Variants in OSBPL1A observed in about 807,000 individuals in gnomAD.
OSBPL1A encodes the protein oxysterol binding protein like 1A.
In OSBPL1A, 80 loss-of-function variants were observed where a neutral mutation model predicts 137.1. The ratio of observed to expected loss-of-function variants is 0.58; its 90% CI spans 0.49 to 0.70. OSBPL1A has a LOEUF of 0.70. Among genes scored for constraint, OSBPL1A ranks in the 30% least tolerant of loss-of-function variants. OSBPL1A has a pLI of 0.00. For synonymous variants in OSBPL1A, 365 were observed against 389.7 expected, an observed-to-expected ratio of 0.94 and a Z score of 0.75; for missense variants, 970 against 1,129.4, an observed-to-expected ratio of 0.86 and a Z score of 2.02.
chr18:24,278,824 A>G (rs79864259), intron 15 of OSBPL1A, among the ~76,000 whole-genome samples: 14,901 of 152,254 alleles, frequency 0.098, 892 homozygotes, highest in South Asian at 0.16. Flanking sequence ...GAATGCAATC[A>G]TCCTGTTCAG....
chr18:24,197,348 A>G (rs541759881), intron 17 of OSBPL1A, among the ~76,000 whole-genome samples: 2 of 152,346 alleles, frequency 1.3e-5, no homozygotes, highest in African/African-American at 2.4e-5. Flanking sequence ...TTCTGTCTCA[A>G]AAACTAAAAA....
chr18:24,202,902 C>T (rs969893111), intron 17 of OSBPL1A, among the ~76,000 whole-genome samples: 3 of 152,148 alleles, frequency 2.0e-5, no homozygotes, highest in South Asian at 4.1e-4. Context: ...ACAATCTTCT[C>T]GGGCATATGC....
intron 15 of OSBPL1A, among the ~76,000 whole-genome samples, chr18:24,241,458 C>G (rs147225187): frequency 0.14 from 20,655 of 152,006 alleles, 2,926 homozygotes; most frequent in African/African-American, 0.36. Context: ...CCATCAAAAA[C>G]TGGGTGAAGG....
chr18:24,333,826 A>G (rs1485993202), intron 6 of OSBPL1A, among the ~76,000 whole-genome samples: 2 of 152,208 alleles, frequency 1.3e-5, no homozygotes, highest in African/African-American at 4.8e-5. Flanking sequence ...CCAGAAGTGT[A>G]GCATTCCTCC....
At chr18:24,246,278 C>T (rs1185820364) in intron 15 of OSBPL1A, among the ~76,000 whole-genome samples, 1 of 151,756 alleles carries the variant, frequency 6.6e-6, no homozygotes, top group African/African-American at 2.4e-5. Context: ...AATAAAGCCA[C>T]CTAAGGGACC....
intron 19 of OSBPL1A, among the ~76,000 whole-genome samples, chr18:24,180,860 G>A (rs1339880437): frequency 6.6e-6 from 1 of 151,594 alleles, no homozygotes; most frequent in East Asian, 1.9e-4. Flanking sequence ...CTGGGCGACA[G>A]AGCGAGACTC....
At chr18:24,330,822 G>C (rs771450446) in intron 7 of OSBPL1A, among the ~76,000 whole-genome samples, 5 of 150,578 alleles carry the variant, frequency 3.3e-5, no homozygotes, top group African/African-American at 4.9e-5. Flanking sequence ...TTGAGACAGA[G>C]TCTCACTCTG....
intron 2 of OSBPL1A, among the ~76,000 whole-genome samples, 154 bp downstream of exon 2, chr18:24,377,259 G>A (rs1906249351): frequency 1.3e-5 from 2 of 152,194 alleles, no homozygotes; most frequent in Admixed American, 6.5e-5. Context: ...ACTCAGAGGG[G>A]GCTAGGAGAG....
At chr18:24,288,678 G>A (rs2146083592) in intron 14 of OSBPL1A, among the ~76,000 whole-genome samples, 1 of 151,510 alleles carries the variant, frequency 6.6e-6, no homozygotes, top group Admixed American at 6.6e-5. Context: ...TGGGGCAGGA[G>A]AATCACTTAA....
intron 15 of OSBPL1A, among the ~76,000 whole-genome samples, chr18:24,243,006 G>C (rs1486413286): frequency 6.6e-6 from 1 of 152,132 alleles, no homozygotes; most frequent in South Asian, 2.1e-4. Flanking sequence ...GACTACATGA[G>C]GCGGGCAGAT....
At chr18:24,183,195 T>C (rs542682367) in intron 18 of OSBPL1A, among the ~76,000 whole-genome samples, 2 of 152,120 alleles carry the variant, frequency 1.3e-5, no homozygotes, top group South Asian at 4.1e-4. Flanking sequence ...TCAATAAAAC[T>C]ATCGTTATTG....
chr18:24,222,146 G>A (rs531799240), intron 17 of OSBPL1A, among the ~76,000 whole-genome samples: 12 of 146,658 alleles, frequency 8.2e-5, no homozygotes, highest in African/African-American at 3.3e-4. Flanking sequence ...GTTTTAACCA[G>A]ATGAAGTTTT....
intron 2 of OSBPL1A, 171 bp from the exon 3 acceptor site, chr18:24,368,543 C>CA (rs1905354516): frequency 1.8e-6 from 1 of 567,188 alleles, no homozygotes; most frequent in East Asian, 3.0e-5. Context: ...GACGAGAACT[C>CA]ACAAGGTGCA....
intron 16 of OSBPL1A, among the ~76,000 whole-genome samples, chr18:24,234,534 G>A (rs1416372579): frequency 2.0e-5 from 3 of 151,962 alleles, no homozygotes; most frequent in African/African-American, 7.2e-5. Flanking sequence ...CAGGGGGGAC[G>A]CCAGGGGGCT....
intron 16 of OSBPL1A, among the ~76,000 whole-genome samples, chr18:24,230,812 T>A (rs886748416): frequency 6.6e-6 from 1 of 152,200 alleles, no homozygotes; most frequent in African/African-American, 2.4e-5. Flanking sequence ...TTTACTGAAC[T>A]TTTGATGAGC....
At position 24,225,107 on chromosome 18, in the gene OSBPL1A, G is replaced by C; in HGVS notation, c.1536C>G (p.His512Gln). 6.2e-7 allele frequency: 1 copy of C among 1,614,182 alleles called. No individual in the cohort carries two copies. Among genetic ancestry groups the C allele is most frequent in the South Asian group, 1.1e-5 (1 of 91,088 alleles). Residue 512 changes from histidine to glutamine, a missense_variant, in exon 17 of 28, where the codon CAC becomes CAG. Around this residue, in one of 2 missense-constraint regions of OSBPL1A, gnomAD observed 647 missense variants for 672.6 expected, o/e 0.96. Transcript: ENST00000319481. Reference sequence around the variant, plus strand: ...CACAGTCTTTTTCTTCGGACATTCTGTGTTTTCTACTGCCCAAATGCTCTC... The same window carrying C: ...CACAGTCTTTTTCTTCGGACATTCTCTGTTTTCTACTGCCCAAATGCTCTC... ...EEGEHLGSRK[H>Q]RMSEEKDCGG...
intron 14 of OSBPL1A, among the ~76,000 whole-genome samples, chr18:24,302,076 TA>T (rs2146100617): frequency 6.6e-6 from 1 of 151,366 alleles, no homozygotes; most frequent in East Asian, 2.0e-4. Flanking sequence ...AAAATAAAAA[TA>T]AAAAAATTAG....
chr18:24,315,478 G>T (rs2090702087), intron 11 of OSBPL1A, among the ~76,000 whole-genome samples: 1 of 150,412 alleles, frequency 6.6e-6, no homozygotes, highest in Non-Finnish European at 1.5e-5. Flanking sequence ...CCAAGAAAAG[G>T]ACTTGCTGCA....
At position 24,165,153 on chromosome 18, in the gene OSBPL1A, G is replaced by A; in HGVS notation, c.2662C>T (p.Gln888Ter). The A allele has an allele frequency of 6.8e-7, 1 of 1,464,496 alleles. No individual in the cohort carries two copies. Among genetic ancestry groups the A allele is most frequent in the Non-Finnish European group, 9.4e-7 (1 of 1,063,154 alleles). The allele number at this position is 1,464,496 out of a possible 1,614,324, so 90.7% of individuals were successfully genotyped here. ...AGTCGTTTTTTTTCTTCACTAGCTT[G>A]ATCTAAAATAAGAACATCAACACAA... ...IRAMENGEID[Q>*]ASEEKKRLEE... Residue 888 changes from glutamine to a stop codon, truncating the protein, a stop_gained and splice_region_variant, in exon 27 of 28, where the codon CAA becomes TAA. Transcript: ENST00000319481. LOFTEE classifies it high-confidence loss of function.
Sources: allele counts gnomAD v4.1 joint callset (sites outside exome capture counted in the v4.1 genomes callset), GRCh38; gene constraint gnomAD v4.1.1; regional missense constraint gnomAD v4.1.1; transcripts MANE v1.5; gene names NCBI Gene and HGNC (gene_info 2026-07-23, HGNC 2026-07-21).